PNPLA7: variants seen among roughly 807,000 people sequenced by gnomAD.
PNPLA7 encodes patatin-like phospholipase domain-containing protein 7.
In PNPLA7, 153 loss-of-function variants were observed where a neutral mutation model predicts 161.7. The ratio of observed to expected loss-of-function variants is 0.95; its 90% CI spans 0.83 to 1.08. PNPLA7 has a LOEUF of 1.08. Among genes scored for constraint, PNPLA7 ranks in the 50% least tolerant of loss-of-function variants. PNPLA7 has a pLI of 0.00. For missense variants in PNPLA7, 1,739 were observed against 1,856.6 expected (o/e 0.94, Z 1.16); for synonymous variants, 809 against 782.1 (o/e 1.03, Z -0.57).
intron 20 of PNPLA7, chr9:137,492,327 G>T: frequency 1.0e-6 from 1 of 984,866 alleles, no homozygotes; most frequent in South Asian, 4.7e-5. Flanking sequence ...TTTCCAATCA[G>T]CTGACAAAAA....
chr9:137,464,590 T>C, intron 26 of PNPLA7, 134 bp from the exon 27 acceptor site: 1 of 827,974 alleles, frequency 1.2e-6, no homozygotes, highest in Non-Finnish European at 2.0e-6. Context: ...CCCACGGTCC[T>C]GAGGCTTGGC....
rs531104092 is a variant in PNPLA7 at position 137,499,773 on chromosome 9, G to A, written c.1757+918C>T. ...CGGTGCCATTTGCTGGATTACAGGCGTGAGCCGCTGCACCCAGCCGACCTG... is the reference window on the plus strand; with the variant it reads ...CGGTGCCATTTGCTGGATTACAGGCATGAGCCGCTGCACCCAGCCGACCTG... On this transcript the variant is annotated intron_variant, in intron 16 of 34. Coordinates refer to ENST00000406427, the MANE Select transcript of PNPLA7 (RefSeq NM_001098537.3). The surrounding 1 kb of genome is among the most constrained non-coding windows in gnomAD (Gnocchi z 5.5). Among the ~76,000 whole-genome samples, 5 of 152,238 alleles carry A rather than the reference G, an allele frequency of 3.3e-5. No homozygotes were observed. The highest frequency in any genetic ancestry group is 6.5e-5 in the Admixed American group (1 of 15,290).
chr9:137,462,699 C>T lies in PNPLA7; in HGVS notation c.3478G>A (p.Ala1160Thr). 6.2e-7 allele frequency: 1 copy of T among 1,613,816 alleles called. No homozygotes were observed. The highest frequency in any genetic ancestry group is 1.1e-5 in the South Asian group (1 of 91,080). The change falls in exon 30 of 35, where the codon GCC becomes ACC. Residue 1160 changes from alanine (A) to threonine (T), a missense_variant. By Grantham distance (58) the Ala-to-Thr change is moderately conservative. Transcript: ENST00000406427. ...WLLWKRWNPL[A>T]TKVKVLNMAE... is the part of the protein sequence containing the mutation. The stretch of plus-strand genomic sequence containing the variant: ...TAGCACCCCACCTTGACTTTCGTGG[C>T]CAAGGGGTTCCAGCGTTTCCACAGC...
At chr9:137,462,075 TG>T in intron 31 of PNPLA7, 34 bp from the exon 32 acceptor site, 1 of 1,537,976 alleles carries the variant, frequency 6.5e-7, no homozygotes, top group East Asian at 2.4e-5. Context: ...TCAGGAGGTG[TG>T]GGGAGCCCCC....
intron 8 of PNPLA7, among the ~76,000 whole-genome samples, chr9:137,532,703 C>T (rs992467871): frequency 8.5e-5 from 13 of 152,080 alleles, no homozygotes; most frequent in African/African-American, 2.9e-4. Flanking sequence ...AGAGCCAGAA[C>T]GAGGCTAACA....
At chr9:137,505,219 C>A (rs1833851323) in intron 14 of PNPLA7, among the ~76,000 whole-genome samples, 2 of 146,678 alleles carry the variant, frequency 1.4e-5, no homozygotes, top group African/African-American at 2.5e-5. Context: ...AGCTTTCCAT[C>A]ATATGTAAGA....
chr9:137,544,651 G>A (rs760659267), intron 4 of PNPLA7, among the ~76,000 whole-genome samples: 4 of 152,018 alleles, frequency 2.6e-5, no homozygotes, highest in African/African-American at 7.2e-5. Context: ...TTGTTTGTTC[G>A]TTTGTTTTTG....
chr9:137,462,454 G>T, intron 30 of PNPLA7, 123 bp from the exon 31 acceptor site: 1 of 1,469,356 alleles, frequency 6.8e-7, no homozygotes, highest in South Asian at 1.4e-5. Context: ...GGGGGGAGAG[G>T]GTAGCAGCAC....
At chr9:137,514,661 T>C (rs368631658) in intron 12 of PNPLA7, among the ~76,000 whole-genome samples, 56 of 97,330 alleles carry the variant, frequency 5.8e-4, no homozygotes, top group Middle Eastern at 0.014. Context: ...TTGAGGTGCC[T>C]GGGCCCTGTG....
intron 10 of PNPLA7, 42 bp downstream of exon 10, chr9:137,521,594 G>C (rs1314387320): frequency 6.3e-7 from 1 of 1,595,156 alleles, no homozygotes; most frequent in Non-Finnish European, 8.6e-7. Context: ...GATGCCAGCT[G>C]CATGGAGCAG....
intron 14 of PNPLA7, among the ~76,000 whole-genome samples, chr9:137,503,799 AAGGAAGAAGGAAGAAGATGAAG>A (rs1833683306): frequency 3.0e-4 from 4 of 13,182 alleles, no homozygotes; most frequent in African/African-American, 8.2e-4. Flanking sequence ...AATGAAGAAG[AAGGAAGAAGGAAGAAGATGAAG>A]GAAGAAGAAA....
Position 137,501,659 on chromosome 9 carries a change from C to G in PNPLA7, c.1542G>C (p.Gln514His). ...CCAGACCCCCGCTCACCTGGTCTCC[C>G]TGCCTTGACACCACCGTGCCTGCAG... is the stretch of plus-strand genomic sequence containing the variant. ...HVPAGTVVSR[Q>H]GDQDASILFV... is the part of the protein sequence containing the mutation. Residue 514 changes from glutamine (Q) to histidine (H), a missense_variant, in exon 15 of 35, where the codon CAG becomes CAC. Transcript: ENST00000406427. 6.2e-7 allele frequency: 1 copy of G among 1,612,432 alleles called. No individual in the cohort carries two copies. The highest frequency in any genetic ancestry group is 8.5e-7 in the Non-Finnish European group (1 of 1,179,796).
Position 137,462,210 on chromosome 9 carries a change from G to A in PNPLA7, c.3614C>T (p.Thr1205Ile), listed in dbSNP as rs758784147. Residue 1205 changes from threonine (T) to isoleucine (I), a missense_variant, in exon 31 of 35, where the codon ACC (threonine) becomes ATC (isoleucine). By Grantham distance (89) the Thr-to-Ile change is moderately conservative. Transcript: ENST00000406427. ...YLRPPIDSYSTLDFGKFNEIC... is the reference protein window; with the variant it reads ...YLRPPIDSYSILDFGKFNEIC... ...CTCGTTGAACTTGCCGAAGTCCAGG[G>A]TGCTGTAGCTGTCGATGGGGGGGCG... 3.1e-6 allele frequency: 5 copies of A among 1,596,570 alleles called. No homozygotes were observed. In the African/African-American group the frequency reaches 6.7e-5, roughly 21 times the overall value.
At chr9:137,549,221 G>A (rs751696150) in intron 1 of PNPLA7, among the ~76,000 whole-genome samples, 13 of 152,298 alleles carry the variant, frequency 8.5e-5, no homozygotes, top group East Asian at 1.9e-4. Context: ...AGTGTCTCAC[G>A]CCTGTAATCC....
In PNPLA7 at chr9:137,522,733, ACCACC is replaced by A. The variant is rs569802853; in HGVS notation, c.867_871del (p.Arg289SerfsTer30). On this transcript the variant is annotated frameshift_variant, in exon 9 of 35. Transcript: ENST00000406427. LOFTEE classifies it high-confidence loss of function. ...TTGTCTGAAAAAGTGACTCACCTGC[ACCACC>A]CTCACCAGAGTTTCCGGATATTTCT... is the stretch of plus-strand genomic sequence containing the variant. 2.4e-4 allele frequency: 386 copies of A among 1,613,510 alleles called. 1 individual carries two copies. In the African/African-American group the frequency reaches 4.3e-3, roughly 18 times the overall value.
intron 32 of PNPLA7, 147 bp downstream of exon 32, chr9:137,461,784 C>T (rs1041324220): frequency 2.5e-5 from 30 of 1,195,344 alleles, no homozygotes; most frequent in Non-Finnish European, 3.3e-5. Context: ...CTGAGCAATC[C>T]TTGTCCTGGC....
intron 20 of PNPLA7, among the ~76,000 whole-genome samples, chr9:137,485,148 G>A (rs569154594): frequency 9.8e-5 from 15 of 152,376 alleles, no homozygotes; most frequent in African/African-American, 3.4e-4. Flanking sequence ...ACCTGCAAGC[G>A]TCCCCAGGCC....
intron 28 of PNPLA7, among the ~76,000 whole-genome samples, chr9:137,463,778 C>T (rs1831332968): frequency 6.6e-6 from 1 of 152,116 alleles, no homozygotes; most frequent in Admixed American, 6.5e-5. Context: ...GGGAGCCCCT[C>T]ACCCCATGAC....
At chr9:137,502,583 G>C (rs1006151083) in intron 14 of PNPLA7, among the ~76,000 whole-genome samples, 1 of 139,994 alleles carries the variant, frequency 7.1e-6, no homozygotes, top group African/African-American at 2.8e-5. Flanking sequence ...CCCAGGGCGC[G>C]TTGTCAGCCC....
Sources: allele counts gnomAD v4.1 joint callset (sites outside exome capture counted in the v4.1 genomes callset), GRCh38; gene constraint gnomAD v4.1.1; non-coding constraint Gnocchi (gnomAD v3.1); transcripts MANE v1.5; gene names NCBI Gene and HGNC (gene_info 2026-07-23, HGNC 2026-07-21).